The following EDIL3 variants were observed in gnomAD, a reference collection of about 807,000 sequenced individuals.
The protein encoded by EDIL3 is EGF like and discoidin domains 3.
EDIL3 carries 37 observed loss-of-function variants against 67.4 expected under a neutral mutation model. The ratio of observed to expected loss-of-function variants is 0.55; its 90% CI spans 0.42 to 0.72. The LOEUF is 0.72. Ranked by LOEUF, EDIL3 falls within the 30% of genes least tolerant of loss-of-function variation. EDIL3 has a pLI of 0.00. For synonymous variants in EDIL3, 195 were observed against 196.3 expected (o/e 0.99, Z 0.05); for missense variants, 527 against 586.3 (o/e 0.90, Z 1.04).
intron 3 of EDIL3, among the ~76,000 whole-genome samples, chr5:84,193,794 G>A (rs1401062006): frequency 6.6e-6 from 1 of 151,890 alleles, no homozygotes; most frequent in African/African-American, 2.4e-5. Context: ...TCCTGGAAAT[G>A]TGAGATTTCC....
chr5:84,372,544 G>C (rs1176199907), intron 1 of EDIL3, among the ~76,000 whole-genome samples: 4 of 152,122 alleles, frequency 2.6e-5, no homozygotes, highest in Non-Finnish European at 5.9e-5. Flanking sequence ...ATCTGAACAA[G>C]ATAAAGTAGG....
At chr5:83,968,408 C>T (rs1436286034) in intron 9 of EDIL3, among the ~76,000 whole-genome samples, 1 of 152,082 alleles carries the variant, frequency 6.6e-6, no homozygotes, top group Non-Finnish European at 1.5e-5. Context: ...ATAGCAATTG[C>T]TTTTTTCATG....
intron 1 of EDIL3, among the ~76,000 whole-genome samples, chr5:84,294,487 TA>T (rs748879737): frequency 6.7e-6 from 1 of 149,016 alleles, no homozygotes; most frequent in Non-Finnish European, 1.5e-5. Flanking sequence ...TCATAAGAAA[TA>T]AAACATTTTG....
At chr5:83,944,396 CTTT>C (rs35919017) in intron 10 of EDIL3, among the ~76,000 whole-genome samples, 10 of 117,104 alleles carry the variant, frequency 8.5e-5, no homozygotes, top group Admixed American at 2.7e-4. Flanking sequence ...TGTAAAAATG[CTTT>C]TTTTTTTTTT....
intron 1 of EDIL3, among the ~76,000 whole-genome samples, chr5:84,297,160 C>A (rs1371174536): frequency 8.0e-6 from 1 of 124,988 alleles, no homozygotes; most frequent in East Asian, 2.2e-4. Flanking sequence ...CCAGCCTGGG[C>A]GACAGAGCAA....
At chr5:83,991,093 T>C (rs1264700780) in intron 9 of EDIL3, among the ~76,000 whole-genome samples, 1 of 152,126 alleles carries the variant, frequency 6.6e-6, no homozygotes, top group Non-Finnish European at 1.5e-5. Flanking sequence ...AGTTATGCTG[T>C]ACTTTTTAGA....
intron 1 of EDIL3, among the ~76,000 whole-genome samples, chr5:84,338,601 C>T (rs1747035505): frequency 2.6e-5 from 4 of 152,132 alleles, no homozygotes; most frequent in Admixed American, 6.6e-5. Flanking sequence ...AACATGCTGT[C>T]ACTTACACCC....
At chr5:84,042,206 C>T (rs989088359) in intron 9 of EDIL3, among the ~76,000 whole-genome samples, 3 of 151,546 alleles carry the variant, frequency 2.0e-5, no homozygotes, top group Non-Finnish European at 4.4e-5. Flanking sequence ...TATCACTTTG[C>T]TTTTTTTTCT....
At chr5:84,108,615 C>T (rs1747504942) in intron 5 of EDIL3, among the ~76,000 whole-genome samples, 1 of 152,126 alleles carries the variant, frequency 6.6e-6, no homozygotes, top group Non-Finnish European at 1.5e-5. Context: ...CCTTATTTTG[C>T]TTTCCATTTT....
At chr5:84,136,003 GAAAGAA>G (rs1748085716) in intron 5 of EDIL3, among the ~76,000 whole-genome samples, 1 of 151,706 alleles carries the variant, frequency 6.6e-6, no homozygotes, top group Non-Finnish European at 1.5e-5. Context: ...CAAAGAGAAA[GAAAGAA>G]AAAGAAAATG....
At chr5:84,150,419 T>G (rs1056689324) in intron 4 of EDIL3, among the ~76,000 whole-genome samples, 1 of 152,076 alleles carries the variant, frequency 6.6e-6, no homozygotes, top group Non-Finnish European at 1.5e-5. Context: ...ATACAACATA[T>G]AAACAACTCT....
At position 84,010,198 on chromosome 5, in the gene EDIL3, G is replaced by C. The variant is rs147089029; in HGVS notation, c.1138-46838C>G. Among the ~76,000 whole-genome samples, 854 of 152,264 alleles carry C rather than the reference G, an allele frequency of 5.6e-3. 5 individuals are homozygous for C. Among genetic ancestry groups the C allele is most frequent in the African/African-American group, 0.019 (797 of 41,566 alleles). ...TTAATGTTTCACATTGACATCTCTC[G>C]TTTCTTCATCTTTCTTATTCCTAGA... On this transcript the variant is annotated intron_variant, in intron 9 of 10. Coordinates refer to ENST00000296591, the MANE Select transcript of EDIL3 (RefSeq NM_005711.5).
chr5:83,966,650 C>A (rs1744696177), intron 9 of EDIL3, among the ~76,000 whole-genome samples: 2 of 152,028 alleles, frequency 1.3e-5, no homozygotes, highest in Non-Finnish European at 2.9e-5. Flanking sequence ...TACCTCCCAA[C>A]TTCCTGATCT....
intron 4 of EDIL3, among the ~76,000 whole-genome samples, chr5:84,171,597 C>T (rs2112349161): frequency 6.6e-6 from 1 of 152,236 alleles, no homozygotes; most frequent in Admixed American, 6.5e-5. Flanking sequence ...AGACAATTTC[C>T]ATTATCGTAA....
intron 9 of EDIL3, among the ~76,000 whole-genome samples, chr5:84,029,417 C>A (rs562683292): frequency 6.6e-6 from 1 of 152,170 alleles, no homozygotes; most frequent in Non-Finnish European, 1.5e-5. Context: ...GTCCATTAAA[C>A]CTCTTTATTT....
chr5:84,252,214 G>A (rs1561235543), intron 2 of EDIL3, among the ~76,000 whole-genome samples: 1 of 151,988 alleles, frequency 6.6e-6, no homozygotes, highest in East Asian at 1.9e-4. Context: ...TCGGCTGGCC[G>A]GGCGCGGTCG....
intron 9 of EDIL3, among the ~76,000 whole-genome samples, chr5:84,023,886 A>T (rs1356140409): frequency 1.3e-5 from 2 of 152,152 alleles, no homozygotes; most frequent in African/African-American, 4.8e-5. Context: ...TTACAGTTCA[A>T]ATGACACAAT....
At chr5:84,322,357 T>C (rs1746666496) in intron 1 of EDIL3, among the ~76,000 whole-genome samples, 1 of 151,884 alleles carries the variant, frequency 6.6e-6, no homozygotes, top group African/African-American at 2.4e-5. Flanking sequence ...AAAATGGAAA[T>C]ATCAACAAGG....
At chr5:84,080,540 C>G (rs548836532) in intron 6 of EDIL3, among the ~76,000 whole-genome samples, 5 of 152,092 alleles carry the variant, frequency 3.3e-5, no homozygotes, top group Non-Finnish European at 7.4e-5. Flanking sequence ...GTTCCCCAAT[C>G]TGTTTTCTTT....
Sources: gnomAD v4.1 joint callset for allele counts (sites outside exome capture counted in the v4.1 genomes callset) on GRCh38, gnomAD v4.1.1 for gene constraint, MANE v1.5 for transcripts, NCBI Gene and HGNC (gene_info 2026-07-23, HGNC 2026-07-21) for gene names.